FGF14: variants seen among roughly 807,000 people sequenced by gnomAD.
FGF14 encodes fibroblast growth factor 14, also known as fibroblast growth factor homologous factor 4.
FGF14 carries 5 observed loss-of-function variants against 25.5 expected under a neutral mutation model. The ratio of observed to expected loss-of-function variants is 0.20; its 90% CI spans 0.10 to 0.41. The LOEUF is 0.41. FGF14 is among the 10% of genes least tolerant of loss of function. FGF14 has a pLI of 1.00. For synonymous variants in FGF14, 138 were observed against 118.3 expected (o/e 1.17, Z -1.08); for missense variants, 222 against 320.1 (o/e 0.69, Z 2.34).
intron 1 of FGF14, among the ~76,000 whole-genome samples, chr13:102,221,632 A>ACG (rs930676032): frequency 2.0e-5 from 3 of 151,836 alleles, no homozygotes; most frequent in African/African-American, 7.3e-5. Flanking sequence ...AAACACACAC[A>ACG]CACACACACA....
At chr13:101,837,828 A>C (rs886341594) in intron 3 of FGF14, among the ~76,000 whole-genome samples, 62 of 152,020 alleles carry the variant, frequency 4.1e-4, no homozygotes, top group African/African-American at 1.5e-3. Flanking sequence ...TGTGTCTGTG[A>C]GGGTGTTGCC....
In FGF14 at chr13:101,752,071, A is replaced by G. The variant is rs191979452; in HGVS notation, c.409-25261T>C. 2.7e-4 allele frequency among the ~76,000 whole-genome samples: 41 copies of G among 152,324 alleles called. No individual in the cohort carries two copies. In the East Asian group the frequency reaches 7.3e-3, roughly 27 times the overall value. On this transcript the variant is annotated intron_variant, in intron 3 of 4. Coordinates refer to ENST00000376143, the MANE Select transcript of FGF14 (RefSeq NM_004115.4). ...ATAATATTCATGTTGATTCATTAAA[A>G]TAACTCAATTGTGAAACAGATTAAA...
chr13:102,000,566 T>C (rs1648665923), intron 1 of FGF14, among the ~76,000 whole-genome samples: 2 of 152,186 alleles, frequency 1.3e-5, no homozygotes, highest in African/African-American at 4.8e-5. Flanking sequence ...TGTATTTTTG[T>C]TACTATAAAA....
intron 1 of FGF14, chr13:102,395,552 T>C (rs2058559983): frequency 6.6e-6 from 1 of 152,224 alleles, no homozygotes; most frequent in Non-Finnish European, 1.5e-5. Flanking sequence ...CTTTATTTAG[T>C]AGCCAAATTC....
At chr13:102,392,218 G>C (rs902681504) in intron 1 of FGF14, among the ~76,000 whole-genome samples, 3 of 152,180 alleles carry the variant, frequency 2.0e-5, no homozygotes, top group Non-Finnish European at 4.4e-5. Context: ...AAAAGCACGT[G>C]TGCAAACTTA....
At chr13:102,172,060 G>C (rs1229497293) in intron 1 of FGF14, among the ~76,000 whole-genome samples, 1 of 151,630 alleles carries the variant, frequency 6.6e-6, no homozygotes, top group Non-Finnish European at 1.5e-5. Context: ...GAACTCCTGA[G>C]CTCACGTGAT....
intron 1 of FGF14, among the ~76,000 whole-genome samples, chr13:102,320,877 C>T (rs1054405023): frequency 1.3e-5 from 2 of 152,094 alleles, no homozygotes; most frequent in African/African-American, 4.8e-5. Context: ...TTCCTTCATC[C>T]CTCCCATTCA....
chr13:102,386,079 T>C (rs548481335), intron 1 of FGF14, among the ~76,000 whole-genome samples: 2 of 152,268 alleles, frequency 1.3e-5, no homozygotes, highest in South Asian at 2.1e-4. Flanking sequence ...CTTAATTTTC[T>C]TGTAATTCTA....
At chr13:102,231,940 C>G (rs189966611) in intron 1 of FGF14, among the ~76,000 whole-genome samples, 53 of 152,316 alleles carry the variant, frequency 3.5e-4, no homozygotes, top group South Asian at 3.1e-3. Context: ...TTAACTGATA[C>G]TATTATTAGC....
chr13:102,285,946 G>C (rs770346829), intron 1 of FGF14, among the ~76,000 whole-genome samples: 3 of 152,120 alleles, frequency 2.0e-5, no homozygotes, highest in Non-Finnish European at 2.9e-5. Flanking sequence ...GACTAAGGAG[G>C]GGGTACCCCT....
chr13:102,042,998 A>G (rs1267351421), intron 1 of FGF14, among the ~76,000 whole-genome samples: 1 of 152,184 alleles, frequency 6.6e-6, no homozygotes, highest in Non-Finnish European at 1.5e-5. Context: ...AAAAATACGA[A>G]TTTACCAGAC....
At position 101,722,063 on chromosome 13, in the gene FGF14, C is replaced by T. The variant is rs2035031765; in HGVS notation, c.*768G>A. 1 of 152,322 alleles carries T rather than the reference C, an allele frequency of 6.6e-6. No homozygotes were observed. The highest frequency in any genetic ancestry group is 1.5e-5 in the Non-Finnish European group (1 of 68,276). 9.4% of individuals were successfully genotyped at this position (152,322 alleles called of 1,614,324 possible). On this transcript the variant is annotated 3_prime_UTR_variant, in exon 5 of 5. Transcript: ENST00000376143. ...AAAGAAACTAGAGGGGGATGTCAAA[C>T]ACATATCATAGAGAGCTTCCCTGGA...
rs575487175 is a variant in FGF14, at chr13:102,075,771, G to A, written c.209-200475C>T. 5.3e-5 allele frequency among the ~76,000 whole-genome samples: 8 copies of A among 152,264 alleles called. No homozygotes were observed. In the East Asian group the frequency reaches 1.4e-3, roughly 26 times the overall value. On this transcript the variant is annotated intron_variant, in intron 1 of 4. Coordinates refer to the FGF14 transcript ENST00000376131. ...CAGTTCCATGCGTGTGATTGCTCCC[G>A]AAAACTTTCCAGTGGGACAAGATGT...
At chr13:102,207,197 T>A (rs954628936) in intron 1 of FGF14, among the ~76,000 whole-genome samples, 31 of 151,816 alleles carry the variant, frequency 2.0e-4, no homozygotes, top group Admixed American at 2.0e-3. Context: ...GGAAAATCGC[T>A]TGAACCCAGG....
intron 1 of FGF14, among the ~76,000 whole-genome samples, chr13:101,923,335 C>T (rs2034139555): frequency 1.3e-5 from 2 of 152,100 alleles, no homozygotes; most frequent in African/African-American, 2.4e-5. Context: ...TTGGGGTGAG[C>T]TTCAGTGGAA....
Position 101,999,749 on chromosome 13 carries a change from C to G in FGF14, c.209-124453G>C, listed in dbSNP as rs551817602. On this transcript the variant is annotated intron_variant, in intron 1 of 4. Coordinates refer to the FGF14 transcript ENST00000376131. ...TTAATTTTATAGATAAAGAGAGACT[C>G]AGAAATGTGAGGTAATGGATCCCAT... Among the ~76,000 whole-genome samples, 8 of 152,260 alleles carry G rather than the reference C, an allele frequency of 5.3e-5. No homozygotes were observed. In the East Asian group the frequency reaches 1.5e-3, roughly 29 times the overall value.
intron 1 of FGF14, among the ~76,000 whole-genome samples, chr13:102,399,392 C>T (rs962428244): frequency 6.6e-6 from 1 of 152,178 alleles, no homozygotes; most frequent in Non-Finnish European, 1.5e-5. Context: ...AGAGTTAAAT[C>T]TTTTCACAGA....
At chr13:101,802,878 A>T (rs896936520) in intron 3 of FGF14, among the ~76,000 whole-genome samples, 1 of 152,154 alleles carries the variant, frequency 6.6e-6, no homozygotes, top group African/African-American at 2.4e-5. Flanking sequence ...AAATAGAGAC[A>T]AACTTTTGAG....
chr13:101,865,081 G>A (rs991216455), intron 3 of FGF14, among the ~76,000 whole-genome samples: 14 of 152,178 alleles, frequency 9.2e-5, no homozygotes, highest in African/African-American at 3.1e-4. Context: ...TCTCTTTTAC[G>A]TCCTTCTTTT....
Sources: gnomAD v4.1 joint callset for allele counts (sites outside exome capture counted in the v4.1 genomes callset) on GRCh38, gnomAD v4.1.1 for gene constraint, MANE v1.5 for transcripts, NCBI Gene and HGNC (gene_info 2026-07-23, HGNC 2026-07-21) for gene names.